The following SEMA4D variants were observed in gnomAD, a reference collection of about 807,000 sequenced individuals.
SEMA4D encodes semaphorin 4D, also known as semaphorin-4D.
A neutral mutation model predicts 74.8 loss-of-function variants in SEMA4D; 22 were observed. The ratio of observed to expected loss-of-function variants is 0.29; its 90% CI spans 0.21 to 0.42. SEMA4D has a LOEUF of 0.42. Ranked by LOEUF, SEMA4D falls within the 10% of genes least tolerant of loss-of-function variation. The probability of loss-of-function intolerance (pLI) is 1.00; values close to 1 mark genes in which losing one functional copy is unlikely to be tolerated. For synonymous variants in SEMA4D, 445 were observed against 463.7 expected, an observed-to-expected ratio of 0.96 and a Z score of 0.52; for missense variants, 937 against 1,118.4, an observed-to-expected ratio of 0.84 and a Z score of 2.31.
At chr9:89,382,987 G>A (rs1250393566) in intron 13 of SEMA4D, among the ~76,000 whole-genome samples, 1 of 152,212 alleles carries the variant, frequency 6.6e-6, no homozygotes, top group East Asian at 1.9e-4. Flanking sequence ...GCTTCTCCCG[G>A]ATGGGGCTGG....
At chr9:89,429,595 C>A (rs1010348170) in intron 2 of SEMA4D, among the ~76,000 whole-genome samples, 2 of 152,292 alleles carry the variant, frequency 1.3e-5, no homozygotes, top group Admixed American at 6.5e-5. Flanking sequence ...TCATTCAAAT[C>A]GGTTTCTTAA....
At chr9:89,425,671 C>T in intron 2 of SEMA4D, among the ~76,000 whole-genome samples, 1 of 152,212 alleles carries the variant, frequency 6.6e-6, no homozygotes, top group East Asian at 1.9e-4. Flanking sequence ...GACCCTGTGG[C>T]CCCACTGGCT....
intron 1 of SEMA4D, among the ~76,000 whole-genome samples, chr9:89,471,509 A>G (rs529771247): frequency 1.3e-5 from 2 of 152,270 alleles, no homozygotes; most frequent in Non-Finnish European, 2.9e-5. Context: ...AGATAACATC[A>G]CTGTCAACAG....
intron 2 of SEMA4D, among the ~76,000 whole-genome samples, chr9:89,420,429 T>C (rs574885269): frequency 6.6e-6 from 1 of 152,326 alleles, no homozygotes; most frequent in Non-Finnish European, 1.5e-5. Context: ...GGCCTGTTCA[T>C]CAAAAAGCAA....
At chr9:89,458,421 G>A (rs562198245) in intron 1 of SEMA4D, among the ~76,000 whole-genome samples, 1 of 152,010 alleles carries the variant, frequency 6.6e-6, no homozygotes, top group Non-Finnish European at 1.5e-5. Context: ...TACATCCTAC[G>A]GAAGGCCAAC....
At chr9:89,370,690 T>C (rs1289643557) in intron 16 of SEMA4D, among the ~76,000 whole-genome samples, 1 of 147,280 alleles carries the variant, frequency 6.8e-6, no homozygotes, top group Non-Finnish European at 1.5e-5. Context: ...GTGTGTCTGG[T>C]GTGTGGTATG....
rs145926463 is a variant in SEMA4D, at chr9:89,424,663, G to A, written c.-243-18964C>T. The stretch of plus-strand genomic sequence containing the variant: ...GTGTCCTGCCTGGCTTTGGTCTCCT[G>A]GGCACCCTCTTCCTGCCCTCCCCCA... On this transcript the variant is annotated intron_variant, in intron 2 of 15. Coordinates refer to ENST00000422704, the MANE Select transcript of SEMA4D (RefSeq NM_001371194.2). Among the ~76,000 whole-genome samples, 322 of 151,810 alleles carry A rather than the reference G, an allele frequency of 2.1e-3. 1 individual carries two copies. The highest frequency in any genetic ancestry group is 7.1e-3 in the African/African-American group (293 of 41,352).
Position 89,392,870 on chromosome 9 carries a change from G to A in SEMA4D, c.509-334C>T, listed in dbSNP as rs572608898. Among the ~76,000 whole-genome samples the A allele has an allele frequency of 3.9e-5, 6 of 152,268 alleles. 1 individual carries two copies. The highest frequency in any genetic ancestry group is 3.9e-4 in the East Asian group (2 of 5,182). On this transcript the variant is annotated intron_variant, in intron 7 of 15. Coordinates refer to ENST00000422704, the MANE Select transcript of SEMA4D (RefSeq NM_001371194.2). The stretch of plus-strand genomic sequence containing the variant: ...ACCTCCCAAGCAGCTTGGACTACAG[G>A]TGCGCGCCACCATGTCTGGCTAATT...
intron 2 of SEMA4D, among the ~76,000 whole-genome samples, chr9:89,447,513 T>C (rs2135316782): frequency 6.6e-6 from 1 of 150,634 alleles, no homozygotes; most frequent in East Asian, 2.0e-4. Flanking sequence ...ACCCCCACCA[T>C]GACCCACCCC....
At position 89,484,267 on chromosome 9, in the gene SEMA4D, G is replaced by T. The variant is rs1005947291; in HGVS notation, c.-310+13652C>A. Among the ~76,000 whole-genome samples, 15 of 152,242 alleles carry T rather than the reference G, an allele frequency of 9.9e-5. No individual in the cohort carries two copies. Among genetic ancestry groups the T allele is most frequent in the Admixed American group, 3.3e-4 (5 of 15,288 alleles). ...AGAACAAGCTGCAAAACACCCACCT[G>T]CTCTGGGAACAAGGCACGCATGACC... On this transcript the variant is annotated intron_variant, in intron 1 of 15. Transcript: ENST00000422704. This position sits in a 1 kb window ranked among gnomAD's most constrained non-coding sequence, Gnocchi z 4.1.
chr9:89,482,868 C>T (rs1020391221), intron 1 of SEMA4D, among the ~76,000 whole-genome samples: 2 of 152,194 alleles, frequency 1.3e-5, no homozygotes, highest in African/African-American at 4.8e-5. Flanking sequence ...GACATCTGTG[C>T]TAAGCCATCT....
intron 13 of SEMA4D, among the ~76,000 whole-genome samples, chr9:89,384,176 G>A (rs1206781843): frequency 6.6e-6 from 1 of 152,210 alleles, no homozygotes; most frequent in African/African-American, 2.4e-5. Context: ...AAGGACTTGA[G>A]GTATCTGCAC....
At chr9:89,450,836 C>A in intron 2 of SEMA4D, 1 of 658,582 alleles carries the variant, frequency 1.5e-6, no homozygotes, top group Non-Finnish European at 2.6e-6. Flanking sequence ...TGCAGTTCTT[C>A]TCCACCTAGG....
rs533031486 is a variant in SEMA4D at position 89,475,182 on chromosome 9, C to T, written c.-309-19229G>A. ...GGCCATCCTGGGCTGCCAGGAATGA[C>T]CAGGCTTTGTGAGAACCAGTGTCAC... is the stretch of plus-strand genomic sequence containing the variant. On this transcript the variant is annotated intron_variant, in intron 1 of 15. Coordinates refer to ENST00000422704, the MANE Select transcript of SEMA4D (RefSeq NM_001371194.2). Among the ~76,000 whole-genome samples, 5 of 152,324 alleles carry T rather than the reference C, an allele frequency of 3.3e-5. No individual in the cohort carries two copies. In the South Asian group the frequency reaches 1.0e-3, roughly 32 times the overall value.
intron 9 of SEMA4D, among the ~76,000 whole-genome samples, chr9:89,390,411 C>A: frequency 6.6e-6 from 1 of 152,324 alleles, no homozygotes; most frequent in South Asian, 2.1e-4. Context: ...GCCCTGGCTA[C>A]GGAAGGCCTG....
chr9:89,456,887 G>A (rs538388936), intron 1 of SEMA4D, among the ~76,000 whole-genome samples: 1 of 152,302 alleles, frequency 6.6e-6, no homozygotes, highest in Non-Finnish European at 1.5e-5. Flanking sequence ...GCGTCCAGCT[G>A]GGAGGGATTT....
At chr9:89,470,523 A>T (rs1859899372) in intron 1 of SEMA4D, among the ~76,000 whole-genome samples, 1 of 152,222 alleles carries the variant, frequency 6.6e-6, no homozygotes, top group African/African-American at 2.4e-5. Flanking sequence ...GTGAGACTGT[A>T]ATATGGTACC....
intron 1 of SEMA4D, among the ~76,000 whole-genome samples, chr9:89,483,697 G>A (rs540083073): frequency 5.8e-4 from 59 of 101,472 alleles, no homozygotes; most frequent in Non-Finnish European, 1.1e-3. Flanking sequence ...AAGGGCGGCT[G>A]TTATGAGCAA....
chr9:89,388,601 G>A (rs748658441), intron 11 of SEMA4D, 35 bp downstream of exon 11: 1 of 1,577,288 alleles, frequency 6.3e-7, no homozygotes, highest in Non-Finnish European at 8.5e-7. Context: ...GGCCTTGAAG[G>A]GAAAGCACGG....
Sources: gnomAD v4.1 joint callset for allele counts (sites outside exome capture counted in the v4.1 genomes callset) on GRCh38, gnomAD v4.1.1 for gene constraint, Gnocchi (gnomAD v3.1) non-coding constraint, MANE v1.5 for transcripts, NCBI Gene and HGNC (gene_info 2026-07-23, HGNC 2026-07-21) for gene names.